Variants in CAMTA1 observed in about 807,000 individuals in gnomAD.
CAMTA1 encodes calmodulin-binding transcription activator 1.
A neutral mutation model predicts 170.9 loss-of-function variants in CAMTA1; 27 were observed. That is an observed-to-expected ratio of 0.16 (90% confidence interval 0.12 to 0.22). The LOEUF (loss-of-function observed/expected upper bound fraction) is 0.22. Ranked by LOEUF, CAMTA1 falls within the 10% of genes least tolerant of loss-of-function variation. The pLI is 1.00. For synonymous variants in CAMTA1, 833 were observed against 891.5 expected (o/e 0.93, Z 1.17); for missense variants, 1,619 against 2,217.2 (o/e 0.73, Z 5.42).
At chr1:7,526,580 G>A (rs1467328679) in intron 6 of CAMTA1, among the ~76,000 whole-genome samples, 4 of 152,200 alleles carry the variant, frequency 2.6e-5, no homozygotes. Flanking sequence ...GAGGAGTCCT[G>A]GACAGAAATC....
intron 11 of CAMTA1, among the ~76,000 whole-genome samples, chr1:7,720,716 T>C (rs990483920): frequency 2.0e-5 from 3 of 152,190 alleles, no homozygotes; most frequent in Admixed American, 1.3e-4. Context: ...ACTCAGTGGC[T>C]ATAGAAAAGT....
chr1:7,191,805 C>T (rs930743282), intron 4 of CAMTA1, among the ~76,000 whole-genome samples: 2 of 152,196 alleles, frequency 1.3e-5, no homozygotes, highest in African/African-American at 4.8e-5. Flanking sequence ...AATAAGCTTC[C>T]TGAGGAGACA....
Position 7,533,170 on chromosome 1 carries a change from G to A in CAMTA1, c.510+65269G>A, listed in dbSNP as rs77204615. Among the ~76,000 whole-genome samples, 471 of 152,252 alleles carry A rather than the reference G, an allele frequency of 3.1e-3. 2 individuals carry two copies. Among genetic ancestry groups the A allele is most frequent in the Non-Finnish European group, 5.2e-3 (355 of 68,018 alleles). On this transcript the variant is annotated intron_variant, in intron 6 of 22. Coordinates refer to ENST00000303635, the MANE Select transcript of CAMTA1 (RefSeq NM_015215.4). ...CTCCCTCCAGCGTCCCCAGTCAGTC[G>A]GGGGGCACCCCTCCCCTGCTGCACG...
At chr1:7,408,616 C>A (rs2090472951) in intron 5 of CAMTA1, among the ~76,000 whole-genome samples, 1 of 152,226 alleles carries the variant, frequency 6.6e-6, no homozygotes, top group Admixed American at 6.5e-5. Context: ...CACAGCTTCA[C>A]AGGCTGCTCT....
chr1:6,828,991 G>C (rs1648540264), intron 3 of CAMTA1, among the ~76,000 whole-genome samples: 1 of 149,090 alleles, frequency 6.7e-6, no homozygotes, highest in South Asian at 2.1e-4. Flanking sequence ...CCACCCCTCA[G>C]GTTCAAGTGA....
In CAMTA1 at chr1:7,010,082, G is replaced by T. The variant is rs1699568877; in HGVS notation, c.235-81222G>T. On this transcript the variant is annotated intron_variant, in intron 3 of 22. Coordinates refer to ENST00000303635, the MANE Select transcript of CAMTA1 (RefSeq NM_015215.4). This position sits in a 1 kb window ranked among gnomAD's most constrained non-coding sequence, Gnocchi z 4.4. ...AGGCTCAGGCACTTGCCAGGGGTTG[G>T]TTGGTTTGTTTCTTCTGGATTTGGA... Among the ~76,000 whole-genome samples, 2 of 152,200 alleles carry T rather than the reference G, an allele frequency of 1.3e-5. No homozygotes were observed. The highest frequency in any genetic ancestry group is 4.8e-5 in the African/African-American group (2 of 41,454).
chr1:6,820,170 T>A lies in CAMTA1; in HGVS notation c.46-11T>A. The A allele has an allele frequency of 7.0e-7, 1 of 1,425,716 alleles. No homozygotes were observed. The highest frequency in any genetic ancestry group is 9.9e-7 in the Non-Finnish European group (1 of 1,008,080). The allele number at this position is 1,425,716 out of a possible 1,614,324, so 88.3% of individuals were successfully genotyped here. ...AAGATTAGTTTTACATTTTATTTTC[T>A]GTTTCCTTAGAGCGTTTCCCAAAGT... is the stretch of plus-strand genomic sequence containing the variant. On this transcript the variant is annotated splice_polypyrimidine_tract_variant and intron_variant, in intron 1 of 22. Transcript: ENST00000303635.
At chr1:7,708,838 T>C (rs760701315) in intron 11 of CAMTA1, among the ~76,000 whole-genome samples, 4 of 152,200 alleles carry the variant, frequency 2.6e-5, no homozygotes, top group Admixed American at 6.5e-5. Context: ...ATCATAAAGC[T>C]ACATAATGTT....
rs1380153174 is a variant in CAMTA1, at chr1:7,050,703, G to C, written c.235-40601G>C. ...GACTCCAATTTGTGGAGGCAATGGTGGGGGTAGGGTGGGTGGAGGAGAGAG... is the reference window on the plus strand; with the variant it reads ...GACTCCAATTTGTGGAGGCAATGGTCGGGGTAGGGTGGGTGGAGGAGAGAG... On this transcript the variant is annotated intron_variant, in intron 3 of 22. Transcript: ENST00000303635. The surrounding 1 kb of genome is among the most constrained non-coding windows in gnomAD (Gnocchi z 4.8). Among the ~76,000 whole-genome samples the C allele has an allele frequency of 6.6e-6, 1 of 152,196 alleles. No homozygotes were observed. The highest frequency in any genetic ancestry group is 1.5e-5 in the Non-Finnish European group (1 of 68,026).
chr1:7,503,494 G>A (rs981554378), intron 6 of CAMTA1, among the ~76,000 whole-genome samples: 2 of 152,182 alleles, frequency 1.3e-5, no homozygotes, highest in Non-Finnish European at 2.9e-5. Context: ...GGCCACCTTC[G>A]CCGAAGGGGA....
chr1:7,244,712 A>G (rs1665469601), intron 4 of CAMTA1, among the ~76,000 whole-genome samples: 1 of 146,616 alleles, frequency 6.8e-6, no homozygotes, highest in Admixed American at 6.8e-5. Context: ...GGACACAGGA[A>G]GGGGAACAGC....
At chr1:7,755,570 TATTTGTAAG>T in intron 21 of CAMTA1, 59 bp from the exon 22 acceptor site, 1 of 1,178,152 alleles carries the variant, frequency 8.5e-7, no homozygotes, top group Non-Finnish European at 1.3e-6. Context: ...GAAATAAAGC[TATTTGTAAG>T]ATTTCTGTTG....
chr1:6,925,149 G>C (rs1222896202), intron 3 of CAMTA1, among the ~76,000 whole-genome samples: 1 of 152,248 alleles, frequency 6.6e-6, no homozygotes, highest in East Asian at 1.9e-4. Context: ...TCCTGAGCAT[G>C]GGGACTTGGA....
At chr1:7,591,293 C>T (rs1475812101) in intron 6 of CAMTA1, among the ~76,000 whole-genome samples, 4 of 152,204 alleles carry the variant, frequency 2.6e-5, no homozygotes, top group Non-Finnish European at 4.4e-5. Context: ...TGGGTCATAA[C>T]GAAGTTCAGA....
intron 6 of CAMTA1, among the ~76,000 whole-genome samples, chr1:7,535,028 G>T (rs1159199618): frequency 6.6e-6 from 1 of 152,182 alleles, no homozygotes; most frequent in Non-Finnish European, 1.5e-5. Context: ...AAAAAGGGGA[G>T]TCAAGGGAGA....
intron 5 of CAMTA1, among the ~76,000 whole-genome samples, chr1:7,461,150 T>G (rs560256318): frequency 5.3e-5 from 8 of 152,332 alleles, no homozygotes; most frequent in Admixed American, 2.6e-4. Flanking sequence ...AGCTCAGGAA[T>G]GAGCTTTGCC....
At chr1:7,518,877 G>T (rs146615903) in intron 6 of CAMTA1, among the ~76,000 whole-genome samples, 1 of 151,908 alleles carries the variant, frequency 6.6e-6, no homozygotes, top group Non-Finnish European at 1.5e-5. Flanking sequence ...GAGTGCTCCC[G>T]AAAAAATGGC....
intron 9 of CAMTA1, among the ~76,000 whole-genome samples, chr1:7,666,958 G>A (rs574884218): frequency 6.6e-6 from 1 of 152,130 alleles, no homozygotes; most frequent in Admixed American, 6.5e-5. Context: ...GCGCCATCTC[G>A]GCTCACTGAA....
At chr1:7,040,756 C>T (rs1185674336) in intron 3 of CAMTA1, among the ~76,000 whole-genome samples, 1 of 150,640 alleles carries the variant, frequency 6.6e-6, no homozygotes, top group East Asian at 2.0e-4. Flanking sequence ...CAGAGTCTCA[C>T]TCTGCGGTCC....
Sources: gnomAD v4.1 joint callset for allele counts (sites outside exome capture counted in the v4.1 genomes callset) on GRCh38, gnomAD v4.1.1 for gene constraint, Gnocchi (gnomAD v3.1) non-coding constraint, MANE v1.5 for transcripts, NCBI Gene and HGNC (gene_info 2026-07-23, HGNC 2026-07-21) for gene names.